Variants in TPD52 observed in about 807,000 individuals in gnomAD.
The protein encoded by TPD52 is prostate and colon associated protein.
A neutral mutation model predicts 31.3 loss-of-function variants in TPD52; 17 were observed. The ratio of observed to expected loss-of-function variants is 0.54; its 90% CI spans 0.37 to 0.82. The LOEUF is 0.82. TPD52 is among the 40% of genes least tolerant of loss of function. The pLI, the probability that TPD52 is intolerant of heterozygous loss-of-function variation, is 0.00. For missense variants in TPD52, 212 were observed against 240.1 expected (o/e 0.88, Z 0.77); for synonymous variants, 83 against 89.6 (o/e 0.93, Z 0.42).
At chr8:80,065,265 CTATA>C (rs3053811) in intron 1 of TPD52, among the ~76,000 whole-genome samples, 1 of 147,930 alleles carries the variant, frequency 6.8e-6, no homozygotes, top group African/African-American at 2.5e-5. Context: ...TTATATCTAT[CTATA>C]TATATCTATA....
chr8:80,115,753 G>A (rs1409895861), intron 1 of TPD52, among the ~76,000 whole-genome samples: 1 of 152,158 alleles, frequency 6.6e-6, no homozygotes, highest in Non-Finnish European at 1.5e-5. Context: ...TATTTATATG[G>A]CAGTAATACC....
intron 1 of TPD52, among the ~76,000 whole-genome samples, chr8:80,081,196 A>C (rs1815249332): frequency 8.0e-6 from 1 of 124,256 alleles, no homozygotes; most frequent in Non-Finnish European, 1.6e-5. Flanking sequence ...CTGGTGCTTC[A>C]GTTACATGCA....
At chr8:80,151,871 A>G (rs1258394577) in intron 1 of TPD52, among the ~76,000 whole-genome samples, 1 of 152,230 alleles carries the variant, frequency 6.6e-6, no homozygotes, top group Non-Finnish European at 1.5e-5. Context: ...TGACAGGTGT[A>G]AGATATATTA....
intron 1 of TPD52, among the ~76,000 whole-genome samples, chr8:80,130,102 G>A (rs918781160): frequency 3.3e-5 from 5 of 152,180 alleles, no homozygotes; most frequent in Admixed American, 6.5e-5. Context: ...AGGTCACACC[G>A]AATTGGCTCA....
At chr8:80,044,119 G>GA in intron 6 of TPD52, 48 bp downstream of exon 6, 1 of 1,492,402 alleles carries the variant, frequency 6.7e-7, no homozygotes, top group Non-Finnish European at 9.1e-7. Context: ...TCTAAATAAA[G>GA]AAAAATAAAG....
At chr8:80,041,375 C>T (rs144334995) in intron 7 of TPD52, among the ~76,000 whole-genome samples, 4 of 152,124 alleles carry the variant, frequency 2.6e-5, no homozygotes, top group African/African-American at 9.7e-5. Context: ...AGATGCATTT[C>T]GTGACTCAAA....
chr8:80,053,336 T>C lies in TPD52; in HGVS notation c.230A>G (p.Gln77Arg). The change falls in exon 3 of 8, where the codon CAG becomes CGG. Residue 77 changes from glutamine (Q) to arginine (R), a missense_variant. By Grantham distance (43) the Gln-to-Arg change is conservative. Coordinates refer to ENST00000518937, the MANE Select transcript of TPD52 (RefSeq NM_001025253.3). ...TTTGGCAATGTTCTGTTTTAGTTCC[T>C]GTAGAGAATTGATTCCAAGTTTCCG... The part of the protein sequence containing the change: ...IKRKLGINSL[Q>R]ELKQNIAKGW... 6.2e-7 allele frequency: 1 copy of C among 1,613,806 alleles called. No homozygotes were observed. Among genetic ancestry groups the C allele is most frequent in the South Asian group, 1.1e-5 (1 of 91,076 alleles).
chr8:80,070,691 C>T (rs901670780), intron 1 of TPD52, among the ~76,000 whole-genome samples: 1 of 152,118 alleles, frequency 6.6e-6, no homozygotes, highest in Non-Finnish European at 1.5e-5. Flanking sequence ...CGTTGGGGAT[C>T]CCTGGTTTAA....
rs1272006793 is a variant in TPD52, at chr8:80,037,237, T to C, written c.*879A>G. 6.6e-6 allele frequency: 1 copy of C among 152,602 alleles called. No individual in the cohort carries two copies. Among genetic ancestry groups the C allele is most frequent in the Non-Finnish European group, 1.5e-5 (1 of 68,010 alleles). The allele number at this position is 152,602 out of a possible 1,614,324, so 9.5% of individuals were successfully genotyped here. A position where few individuals can be genotyped will look rare whatever the true frequency, so the allele number is the denominator to read the frequency against. On this transcript the variant is annotated 3_prime_UTR_variant, in exon 8 of 8. Transcript: ENST00000518937. ...ACAATGGTTCCCCTAATGTGATTGA[T>C]ATTGTCATTTTTACCAGCTTCTAGA...
Position 80,054,637 on chromosome 8 carries a change from T to C in TPD52, c.136-1207A>G, listed in dbSNP as rs560538767. ...TGCCCTTTAAAAATAACATAGAGTA[T>C]TGCTCAGTCAAATGTTTTCACAGAT... On this transcript the variant is annotated intron_variant, in intron 2 of 7. Coordinates refer to ENST00000518937, the MANE Select transcript of TPD52 (RefSeq NM_001025253.3). Among the ~76,000 whole-genome samples the C allele has an allele frequency of 2.0e-5, 3 of 152,220 alleles. No homozygotes were observed. In the East Asian group the frequency reaches 5.8e-4, roughly 29 times the overall value.
At chr8:80,063,741 G>A (rs1023544964) in intron 2 of TPD52, among the ~76,000 whole-genome samples, 1 of 151,918 alleles carries the variant, frequency 6.6e-6, no homozygotes, top group Non-Finnish European at 1.5e-5. Flanking sequence ...AGGTTGCAAT[G>A]AGCCAAGATT....
chr8:80,106,314 C>T (rs62516080), intron 1 of TPD52, among the ~76,000 whole-genome samples: 5 of 151,898 alleles, frequency 3.3e-5, no homozygotes, highest in African/African-American at 1.2e-4. Context: ...CTGTAGTCAC[C>T]CTGTTGTGCT....
intron 1 of TPD52, among the ~76,000 whole-genome samples, chr8:80,092,338 A>G (rs974492905): frequency 1.3e-5 from 2 of 152,242 alleles, no homozygotes; most frequent in Admixed American, 1.3e-4. Flanking sequence ...TCTTCCCAGC[A>G]CAGCCACTGT....
intron 1 of TPD52, among the ~76,000 whole-genome samples, chr8:80,133,951 C>A (rs548825576): frequency 6.6e-6 from 1 of 152,192 alleles, no homozygotes; most frequent in East Asian, 1.9e-4. Flanking sequence ...GACTAGAAGT[C>A]ACGGTTGAAA....
At chr8:80,164,572 G>A (rs1219089983) in intron 1 of TPD52, among the ~76,000 whole-genome samples, 2 of 152,190 alleles carry the variant, frequency 1.3e-5, no homozygotes, top group East Asian at 3.9e-4. Flanking sequence ...TCAAAAGCTA[G>A]AATCCATAAA....
intron 1 of TPD52, among the ~76,000 whole-genome samples, chr8:80,102,682 G>A (rs1806829941): frequency 6.6e-6 from 1 of 152,166 alleles, no homozygotes; most frequent in African/African-American, 2.4e-5. Flanking sequence ...TCTCCAGAGT[G>A]ATCAGAGTGT....
chr8:80,126,607 A>C (rs1188186264), intron 1 of TPD52, among the ~76,000 whole-genome samples: 1 of 150,470 alleles, frequency 6.6e-6, no homozygotes, highest in Non-Finnish European at 1.5e-5. Flanking sequence ...TCAGGCTCCC[A>C]AGTAGCTGAG....
At chr8:80,043,268 A>G (rs1318949338) in intron 6 of TPD52, among the ~76,000 whole-genome samples, 2 of 152,268 alleles carry the variant, frequency 1.3e-5, no homozygotes, top group East Asian at 3.9e-4. Context: ...AGCCCACAGG[A>G]CATTCATTCA....
chr8:80,151,624 T>A (rs1810573331), intron 1 of TPD52, among the ~76,000 whole-genome samples: 1 of 152,230 alleles, frequency 6.6e-6, no homozygotes, highest in Non-Finnish European at 1.5e-5. Flanking sequence ...AGAATCAGCA[T>A]AATAAGAAAG....
Sources: gnomAD v4.1 joint callset for allele counts (sites outside exome capture counted in the v4.1 genomes callset) on GRCh38, gnomAD v4.1.1 for gene constraint, MANE v1.5 for transcripts, NCBI Gene and HGNC (gene_info 2026-07-23, HGNC 2026-07-21) for gene names.